GPHN: variants seen among roughly 807,000 people sequenced by gnomAD.
GPHN encodes gephyrin.
A neutral mutation model predicts 95.5 loss-of-function variants in GPHN; 17 were observed. The ratio of observed to expected loss-of-function variants is 0.18; its 90% CI spans 0.12 to 0.27. GPHN has a LOEUF of 0.27. Ranked by LOEUF, GPHN falls within the 10% of genes least tolerant of loss-of-function variation. GPHN has a pLI of 1.00. For synonymous variants in GPHN, 320 were observed against 322.5 expected (o/e 0.99, Z 0.08); for missense variants, 660 against 978.1 (o/e 0.67, Z 4.34).
At chr14:66,733,143 C>T (rs935579804) in intron 2 of GPHN, among the ~76,000 whole-genome samples, 2 of 152,064 alleles carry the variant, frequency 1.3e-5, no homozygotes, top group African/African-American at 4.8e-5. Context: ...CAGTAATAAT[C>T]AGTGAGTTCT....
chr14:66,842,706 TC>T, intron 4 of GPHN: 1 of 1,533,740 alleles, frequency 6.5e-7, no homozygotes, highest in Non-Finnish European at 8.7e-7. Context: ...TTTTGTGGGC[TC>T]CAGAAAGGGG....
In GPHN at chr14:66,673,841, T is replaced by G. The variant is rs140730422; in HGVS notation, c.65-7266T>G. 1.1e-4 allele frequency among the ~76,000 whole-genome samples: 17 copies of G among 152,282 alleles called. No homozygotes were observed. In the East Asian group the frequency reaches 3.3e-3, roughly 29 times the overall value. ...AGAAAGTCTTTATTTCACCTTCACA[T>G]TTTTTCCTTTATTTTTAGCTGACAT... On this transcript the variant is annotated intron_variant, in intron 1 of 22. Coordinates refer to ENST00000478722, the MANE Select transcript of GPHN (RefSeq NM_020806.5).
At chr14:67,683,083 G>C in the GPHN span, among the ~76,000 whole-genome samples, 1 of 152,312 alleles carries the variant, frequency 6.6e-6, no homozygotes, top group South Asian at 2.1e-4. Flanking sequence ...AGAAGAGCCA[G>C]TGCAAAAATC....
the GPHN span, chr14:67,573,665 C>A: frequency 1.4e-6 from 1 of 690,514 alleles, no homozygotes; most frequent in Non-Finnish European, 2.6e-6. The surrounding 1 kb of genome is among the most constrained non-coding windows in gnomAD (Gnocchi z 4.8). Context: ...GAATAAGTCA[C>A]CCATCATAAC....
intron 10 of GPHN, among the ~76,000 whole-genome samples, chr14:67,024,730 T>G (rs1002834104): frequency 2.0e-5 from 3 of 152,170 alleles, no homozygotes; most frequent in African/African-American, 7.2e-5. Flanking sequence ...CATCAAGTAT[T>G]GCCAACCAGG....
At chr14:67,199,751 G>T in the GPHN span, 1 of 1,554,212 alleles carries the variant, frequency 6.4e-7, no homozygotes, top group Admixed American at 1.8e-5. Context: ...ATTGGGGTCT[G>T]GGCTTCCTCC....
the GPHN span, chr14:67,200,528 A>G: frequency 3.7e-6 from 1 of 270,768 alleles, no homozygotes; most frequent in Non-Finnish European, 6.8e-6. Context: ...ATGCACAGAG[A>G]AAATAAAACT....
chr14:67,206,728 A>T, the GPHN span, among the ~76,000 whole-genome samples: 34 of 151,176 alleles, frequency 2.2e-4, no homozygotes, highest in African/African-American at 7.8e-4. Context: ...GCAATAATTT[A>T]TTATTATTAT....
chr14:67,139,262 C>G (rs1040315696), intron 17 of GPHN, among the ~76,000 whole-genome samples: 2 of 151,918 alleles, frequency 1.3e-5, no homozygotes, highest in Non-Finnish European at 2.9e-5. Context: ...CTCACTACAT[C>G]ACCCAGGCTA....
intron 21 of GPHN, among the ~76,000 whole-genome samples, chr14:67,174,087 T>C (rs969668421): frequency 6.6e-6 from 1 of 152,238 alleles, no homozygotes; most frequent in Non-Finnish European, 1.5e-5. Context: ...AATTTTTTTA[T>C]TATACTTTAA....
chr14:67,011,808 G>C (rs2073027998), intron 9 of GPHN, among the ~76,000 whole-genome samples: 1 of 146,948 alleles, frequency 6.8e-6, no homozygotes, highest in Non-Finnish European at 1.5e-5. Flanking sequence ...AAATATGTGT[G>C]TGTTGTGTGT....
chr14:66,873,629 G>A (rs1369760995), intron 4 of GPHN, among the ~76,000 whole-genome samples: 1 of 152,154 alleles, frequency 6.6e-6, no homozygotes, highest in African/African-American at 2.4e-5. Flanking sequence ...TCCCCTCACA[G>A]CATAAACAAA....
intron 3 of GPHN, among the ~76,000 whole-genome samples, chr14:66,811,383 A>T (rs1045266095): frequency 6.6e-6 from 1 of 152,206 alleles, no homozygotes; most frequent in Non-Finnish European, 1.5e-5. Context: ...GAAAATATTT[A>T]TGGAAGTATG....
At chr14:67,388,416 A>T in the GPHN span, 18 of 715,028 alleles carry the variant, frequency 2.5e-5, no homozygotes, top group African/African-American at 3.1e-4. Flanking sequence ...TTTGTAATAG[A>T]AGATGAAGCT....
At chr14:67,524,627 G>C in the GPHN span, among the ~76,000 whole-genome samples, 1 of 152,132 alleles carries the variant, frequency 6.6e-6, no homozygotes, top group African/African-American at 2.4e-5. Context: ...CTTGAAAGTT[G>C]CGAGATGGGC....
the GPHN span, among the ~76,000 whole-genome samples, chr14:67,328,126 A>G: frequency 2.8e-4 from 43 of 152,330 alleles, no homozygotes; most frequent in African/African-American, 9.6e-4. Flanking sequence ...CTATTTCTCC[A>G]CATCCTCTCC....
At chr14:67,317,729 CA>C in the GPHN span, among the ~76,000 whole-genome samples, 1 of 152,096 alleles carries the variant, frequency 6.6e-6, no homozygotes, top group Non-Finnish European at 1.5e-5. Flanking sequence ...AAACTCTTTG[CA>C]AAAATTATAC....
At chr14:66,999,803 C>T (rs1014369382) in intron 9 of GPHN, among the ~76,000 whole-genome samples, 3 of 151,770 alleles carry the variant, frequency 2.0e-5, no homozygotes, top group Non-Finnish European at 4.4e-5. Flanking sequence ...ATACTTTCTT[C>T]TGACAGAAAC....
intron 2 of GPHN, among the ~76,000 whole-genome samples, chr14:66,717,714 T>A (rs1363741052): frequency 6.6e-6 from 1 of 152,204 alleles, no homozygotes; most frequent in African/African-American, 2.4e-5. Flanking sequence ...GATATAGTAC[T>A]CTTCCCCTTT....
Sources: allele counts gnomAD v4.1 joint callset (sites outside exome capture counted in the v4.1 genomes callset), GRCh38; gene constraint gnomAD v4.1.1; non-coding constraint Gnocchi (gnomAD v3.1); transcripts MANE v1.5; gene names NCBI Gene and HGNC (gene_info 2026-07-23, HGNC 2026-07-21).